TANK: variants seen among roughly 807,000 people sequenced by gnomAD.
The protein encoded by TANK is TRAF family member-associated NF-kappa-B activator.
In TANK, 15 loss-of-function variants were observed where a neutral mutation model predicts 43.6. The observed-to-expected ratio is 0.34, with a 90% CI of 0.23 to 0.53. TANK has a LOEUF of 0.53. Among genes scored for constraint, TANK ranks in the 20% least tolerant of loss-of-function variants. The pLI, the probability that TANK is intolerant of heterozygous loss-of-function variation, is 0.94. For synonymous variants in TANK, 162 were observed against 178.2 expected, an observed-to-expected ratio of 0.91 and a Z score of 0.73; for missense variants, 417 against 498.6, an observed-to-expected ratio of 0.84 and a Z score of 1.56.
In TANK at chr2:161,217,585, T is replaced by TTGTGTGTGTGTG. The variant is rs375688309; in HGVS notation, c.328-6296_328-6285dup. Among the ~76,000 whole-genome samples the TTGTGTGTGTGTG allele has an allele frequency of 4.8e-4, 65 of 136,640 alleles. 1 individual carries two copies. The highest frequency in any genetic ancestry group is 4.6e-3 in the East Asian group (21 of 4,568). 89.6% of individuals were successfully genotyped at this position (136,640 alleles called of 152,430 possible). A position where few individuals can be genotyped will look rare whatever the true frequency, so the allele number is the denominator to read the frequency against. ...TCTTCAGTGTTTTCAGGTAGTTGGTTTGTGTGTGTGTGTGTGTGTGTGTGT... is the reference window on the plus strand; with the variant it reads ...TCTTCAGTGTTTTCAGGTAGTTGGTTTGTGTGTGTGTGTGTGTGTGTGTGTGTGTGTGTGTGT... On this transcript the variant is annotated intron_variant, in intron 4 of 7. Transcript: ENST00000392749.
At chr2:161,139,628 C>A in intron 1 of TANK, 1 of 900,034 alleles carries the variant, frequency 1.1e-6, no homozygotes, top group Non-Finnish European at 1.3e-6. Flanking sequence ...ATTGGTAGTT[C>A]AAAATAAACC....
rs1057039559 is a variant in TANK, at chr2:161,212,378, G to C, written c.327+7585G>C. ...GCCTGGCTGATACACAAACTCTTAA[G>C]AAAACAAATATTGATATCCAAAACA... is the stretch of plus-strand genomic sequence containing the variant. On this transcript the variant is annotated intron_variant, in intron 4 of 7. Coordinates refer to ENST00000392749, the MANE Select transcript of TANK (RefSeq NM_001199135.3). 8.1e-6 allele frequency: 8 copies of C among 984,586 alleles called. No homozygotes were observed. The African/African-American group carries it at 1.2e-4, about 15-fold the overall frequency. 61.0% of individuals were successfully genotyped at this position (984,586 alleles called of 1,614,324 possible).
intron 4 of TANK, 43 bp from the exon 5 acceptor site, chr2:161,223,872 G>T: frequency 7.7e-7 from 1 of 1,295,720 alleles, no homozygotes; most frequent in South Asian, 1.3e-5. Flanking sequence ...TTGAATTTGG[G>T]AGCAATTTAA....
chr2:161,227,542 A>G (rs1254828564), intron 6 of TANK, among the ~76,000 whole-genome samples: 3 of 152,216 alleles, frequency 2.0e-5, no homozygotes, highest in Admixed American at 2.0e-4. Flanking sequence ...GGATAATAAT[A>G]GTGCCTGCCT....
rs754179556 is a variant in TANK, at chr2:161,231,063, G to C, written c.613G>C (p.Gly205Arg). 6.2e-7 allele frequency: 1 copy of C among 1,614,048 alleles called. No individual in the cohort carries two copies. Residue 205 changes from glycine to arginine, a missense_variant, in exon 7 of 8, where the codon GGT becomes CGT. Coordinates refer to ENST00000392749, the MANE Select transcript of TANK (RefSeq NM_001199135.3). ...KPQAKDDINRGAPSITSVTPR... is the reference protein window; with the variant it reads ...KPQAKDDINRRAPSITSVTPR... ...TCAGGCTAAAGATGATATAAATAGA[G>C]GTGCACCATCCATCACATCTGTCAC... is the stretch of plus-strand genomic sequence containing the variant.
chr2:161,179,787 A>G (rs1294314291), intron 2 of TANK, 26 bp downstream of exon 2: 4 of 1,594,648 alleles, frequency 2.5e-6, no homozygotes, highest in African/African-American at 1.3e-5. Flanking sequence ...TTTGAAAGTT[A>G]TTCTTTATCT....
chr2:161,193,722 A>G (rs1686020230), intron 2 of TANK, among the ~76,000 whole-genome samples: 1 of 152,224 alleles, frequency 6.6e-6, no homozygotes, highest in Non-Finnish European at 1.5e-5. Flanking sequence ...GGGGAAGAGA[A>G]GTGAAGAGCA....
chr2:161,147,320 G>A (rs185546901), intron 1 of TANK, among the ~76,000 whole-genome samples: 1 of 152,356 alleles, frequency 6.6e-6, no homozygotes, highest in East Asian at 1.9e-4. Flanking sequence ...AGCTTGGACA[G>A]CAGAGAGCTG....
At chr2:161,139,683 T>G (rs917049376) in intron 1 of TANK, 24 of 985,254 alleles carry the variant, frequency 2.4e-5, no homozygotes, top group Non-Finnish European at 2.7e-5. Flanking sequence ...ATCCACATGC[T>G]TAGACACCTC....
intron 5 of TANK, 74 bp downstream of exon 5, chr2:161,224,065 A>G (rs1687486875): frequency 1.9e-6 from 2 of 1,039,252 alleles, no homozygotes; most frequent in Non-Finnish European, 2.7e-6. Context: ...TGTTTTTTTT[A>G]AGCTTTAACA....
intron 2 of TANK, among the ~76,000 whole-genome samples, chr2:161,181,121 T>C (rs576198791): frequency 6.6e-6 from 1 of 152,272 alleles, no homozygotes; most frequent in African/African-American, 2.4e-5. Context: ...TATACACTGC[T>C]ATAAAGAACT....
At position 161,167,438 on chromosome 2, in the gene TANK, G is replaced by A. The variant is rs747146044; in HGVS notation, c.-50+6952G>A. Among the ~76,000 whole-genome samples, 92 of 152,062 alleles carry A rather than the reference G, an allele frequency of 6.1e-4. 1 individual carries two copies. Among genetic ancestry groups the A allele is most frequent in the Non-Finnish European group, 9.6e-4 (65 of 68,006 alleles). On this transcript the variant is annotated intron_variant, in intron 1 of 7. Transcript: ENST00000392749. ...GTTGGCTGTCATTTGGCAGGATAAT[G>A]GCTGCCAAAGACAACAGACTTAAGA...
At chr2:161,158,485 C>T (rs1684282934), upstream of TANK, among the ~76,000 whole-genome samples, 1 of 152,200 alleles carries the variant, frequency 6.6e-6, no homozygotes, top group South Asian at 2.1e-4. Context: ...AGCCACTTCT[C>T]TTCAAGACTA....
upstream of TANK, chr2:161,160,321 C>G (rs1238112097): frequency 2.6e-6 from 2 of 765,448 alleles, no homozygotes; most frequent in Non-Finnish European, 3.6e-6. Context: ...CTGGGTGGGG[C>G]AGGGCGGAAG....
chr2:161,172,747 G>GATTT (rs1335234385), intron 1 of TANK, among the ~76,000 whole-genome samples: 1 of 152,150 alleles, frequency 6.6e-6, no homozygotes, highest in Non-Finnish European at 1.5e-5. Flanking sequence ...CAGGCCAACT[G>GATTT]ATTTGCAGTC....
At chr2:161,144,922 G>T (rs1310332352) in intron 1 of TANK, among the ~76,000 whole-genome samples, 1 of 152,046 alleles carries the variant, frequency 6.6e-6, no homozygotes. Context: ...CTATTATTGT[G>T]TGGGAGTCTA....
chr2:161,227,342 A>C (rs1687683298), intron 6 of TANK, among the ~76,000 whole-genome samples: 1 of 152,220 alleles, frequency 6.6e-6, no homozygotes, highest in South Asian at 2.1e-4. Flanking sequence ...AATAATTCAA[A>C]GCACATTTCT....
intron 1 of TANK, among the ~76,000 whole-genome samples, chr2:161,164,796 T>C (rs1684600181): frequency 6.6e-6 from 1 of 152,174 alleles, no homozygotes; most frequent in Non-Finnish European, 1.5e-5. Context: ...GGTTCAATAA[T>C]GTTAAGTGCA....
At chr2:161,147,060 A>G (rs1683932026) in intron 1 of TANK, among the ~76,000 whole-genome samples, 1 of 152,036 alleles carries the variant, frequency 6.6e-6, no homozygotes, top group African/African-American at 2.4e-5. Flanking sequence ...CCGCCCAATA[A>G]GGAGGGATGA....
Sources: allele counts gnomAD v4.1 joint callset (sites outside exome capture counted in the v4.1 genomes callset), GRCh38; gene constraint gnomAD v4.1.1; transcripts MANE v1.5; gene names NCBI Gene and HGNC (gene_info 2026-07-23, HGNC 2026-07-21).